RIMS1: variants seen among roughly 807,000 people sequenced by gnomAD.
The protein encoded by RIMS1 is regulating synaptic membrane exocytosis 1, also known as regulating synaptic membrane exocytosis protein 1.
RIMS1 carries 83 observed loss-of-function variants against 214.1 expected under a neutral mutation model. That is an observed-to-expected ratio of 0.39 (90% confidence interval 0.32 to 0.47). The LOEUF (loss-of-function observed/expected upper bound fraction) is 0.47. Among genes scored for constraint, RIMS1 ranks in the 20% least tolerant of loss-of-function variants. RIMS1 has a pLI of 0.99. For missense variants in RIMS1, 2,050 were observed against 2,161.8 expected, an observed-to-expected ratio of 0.95 and a Z score of 1.03; for synonymous variants, 793 against 786.8, an observed-to-expected ratio of 1.01 and a Z score of -0.13.
chr6:72,079,578 G>A (rs1832769589), intron 2 of RIMS1, among the ~76,000 whole-genome samples: 1 of 152,102 alleles, frequency 6.6e-6, no homozygotes, highest in South Asian at 2.1e-4. Flanking sequence ...GAGAAAACAT[G>A]CACAGTATGA....
At chr6:71,905,278 A>G (rs1049221528) in intron 1 of RIMS1, among the ~76,000 whole-genome samples, 5 of 152,072 alleles carry the variant, frequency 3.3e-5, no homozygotes, top group Admixed American at 2.0e-4. Flanking sequence ...TTTTTGTTAG[A>G]AAAATTAAGA....
intron 26 of RIMS1, among the ~76,000 whole-genome samples, chr6:72,305,298 G>C (rs945694911): frequency 8.6e-5 from 13 of 151,946 alleles, no homozygotes; most frequent in African/African-American, 3.1e-4. Context: ...AAAATTACGT[G>C]GCACTAAAAG....
intron 29 of RIMS1, among the ~76,000 whole-genome samples, chr6:72,357,368 C>A (rs1182653205): frequency 1.3e-5 from 2 of 152,162 alleles, no homozygotes; most frequent in Non-Finnish European, 2.9e-5. Context: ...GAGTGGTGCA[C>A]ATACATGAAC....
intron 28 of RIMS1, among the ~76,000 whole-genome samples, chr6:72,330,294 C>T (rs541578272): frequency 2.8e-4 from 43 of 151,686 alleles, no homozygotes; most frequent in African/African-American, 9.2e-4. Context: ...AGGGACAAAG[C>T]CTGATTCAAA....
Position 72,052,602 on chromosome 6 carries a change from G to C in RIMS1, c.246-44347G>C, listed in dbSNP as rs183621772. On this transcript the variant is annotated intron_variant, in intron 2 of 33. Coordinates refer to ENST00000521978, the MANE Select transcript of RIMS1 (RefSeq NM_014989.7). ...TGGACTTTGAAATTGGACCAACCTA[G>C]ATTTTGTATTTCAGTTTTGTCACTT... Among the ~76,000 whole-genome samples the C allele has an allele frequency of 2.5e-3, 376 of 152,230 alleles. 2 individuals are homozygous for C. Among genetic ancestry groups the C allele is most frequent in the Middle Eastern group, 0.02 (6 of 294 alleles).
chr6:72,176,162 G>A (rs1160585611), intron 4 of RIMS1, among the ~76,000 whole-genome samples: 4 of 152,168 alleles, frequency 2.6e-5, no homozygotes, highest in Non-Finnish European at 5.9e-5. Flanking sequence ...GTTTAGATTA[G>A]TTTGGAACAC....
chr6:71,889,929 G>A (rs930892721), intron 1 of RIMS1, among the ~76,000 whole-genome samples: 2 of 152,092 alleles, frequency 1.3e-5, no homozygotes, highest in South Asian at 2.1e-4. Context: ...CTGGCAATAC[G>A]GCAATTAGAC....
chr6:72,007,745 G>A (rs186815343), intron 2 of RIMS1, among the ~76,000 whole-genome samples: 13 of 152,278 alleles, frequency 8.5e-5, no homozygotes, highest in African/African-American at 2.9e-4. Context: ...TCAAATGAAC[G>A]AAATGAAGCG....
chr6:72,086,678 G>A (rs190998543), intron 2 of RIMS1, among the ~76,000 whole-genome samples: 33 of 152,272 alleles, frequency 2.2e-4, no homozygotes, highest in Admixed American at 6.5e-5. Context: ...TACTGTGTTT[G>A]ACAAACAGCT....
At chr6:72,085,088 A>C (rs956615647) in intron 2 of RIMS1, among the ~76,000 whole-genome samples, 10 of 152,106 alleles carry the variant, frequency 6.6e-5, no homozygotes, top group Non-Finnish European at 1.5e-4. Context: ...AACACATAAG[A>C]TGTTGTAAAG....
intron 4 of RIMS1, among the ~76,000 whole-genome samples, chr6:72,125,919 A>T (rs370508690): frequency 1.2e-4 from 18 of 152,280 alleles, no homozygotes; most frequent in South Asian, 6.2e-4. Context: ...TAGGAAAGGG[A>T]AATCCCCTGA....
At chr6:71,972,404 A>G (rs1186677218) in intron 2 of RIMS1, among the ~76,000 whole-genome samples, 1 of 152,206 alleles carries the variant, frequency 6.6e-6, no homozygotes, top group Non-Finnish European at 1.5e-5. Flanking sequence ...CGAGTAGGGA[A>G]AAAGAAAAAG....
At chr6:71,983,417 G>C (rs190903249) in intron 2 of RIMS1, among the ~76,000 whole-genome samples, 2 of 151,966 alleles carry the variant, frequency 1.3e-5, no homozygotes, top group Non-Finnish European at 2.9e-5. Flanking sequence ...GAAAGGCCCA[G>C]TCAGTATTGT....
chr6:72,281,330 T>TA (rs1236410765), intron 23 of RIMS1, among the ~76,000 whole-genome samples: 2 of 152,166 alleles, frequency 1.3e-5, no homozygotes, highest in Non-Finnish European at 2.9e-5. Flanking sequence ...CAGTAAATGT[T>TA]ATATATTATT....
chr6:72,149,479 G>A (rs577790080), intron 4 of RIMS1, among the ~76,000 whole-genome samples: 22 of 152,146 alleles, frequency 1.4e-4, no homozygotes, highest in African/African-American at 5.3e-4. Context: ...GTGACAGCTA[G>A]ACGTCTGTGA....
chr6:71,954,171 C>T (rs997154366), intron 1 of RIMS1, among the ~76,000 whole-genome samples: 1 of 152,076 alleles, frequency 6.6e-6, no homozygotes, highest in Non-Finnish European at 1.5e-5. Context: ...TGTCCTTTTC[C>T]TTATCGTAAG....
chr6:72,255,770 G>A (rs979952355), intron 16 of RIMS1, among the ~76,000 whole-genome samples: 2 of 152,120 alleles, frequency 1.3e-5, no homozygotes, highest in Non-Finnish European at 2.9e-5. Flanking sequence ...GGGCACGGTG[G>A]CTCACGCCTG....
intron 6 of RIMS1, among the ~76,000 whole-genome samples, chr6:72,195,903 T>TGA (rs543440164): frequency 6.6e-6 from 1 of 151,968 alleles, no homozygotes; most frequent in Non-Finnish European, 1.5e-5. Flanking sequence ...TGACGGCAGG[T>TGA]GAGAGAGAGC....
intron 4 of RIMS1, among the ~76,000 whole-genome samples, chr6:72,125,586 C>A (rs1206895816): frequency 1.3e-5 from 2 of 152,212 alleles, no homozygotes; most frequent in Admixed American, 1.3e-4. Flanking sequence ...TACCCTGCCC[C>A]CAGAGGTGGA....
Sources: allele counts gnomAD v4.1 joint callset (sites outside exome capture counted in the v4.1 genomes callset), GRCh38; gene constraint gnomAD v4.1.1; transcripts MANE v1.5; gene names NCBI Gene and HGNC (gene_info 2026-07-23, HGNC 2026-07-21).